The following CDKAL1 variants were observed in gnomAD, a reference collection of about 807,000 sequenced individuals.
CDKAL1 encodes CDKAL1 threonylcarbamoyladenosine tRNA methylthiotransferase.
In CDKAL1, 32 loss-of-function variants were observed where a neutral mutation model predicts 68.2. The ratio of observed to expected loss-of-function variants is 0.47; its 90% CI spans 0.35 to 0.63. The LOEUF (loss-of-function observed/expected upper bound fraction) is 0.63, where lower values mean the gene tolerates loss of function less well. CDKAL1 is among the 30% of genes least tolerant of loss of function. The pLI is 0.00. For missense variants in CDKAL1, 606 were observed against 696.7 expected, an observed-to-expected ratio of 0.87 and a Z score of 1.47; for synonymous variants, 234 against 244.3, an observed-to-expected ratio of 0.96 and a Z score of 0.39.
chr6:20,678,091 GTT>G (rs11371206), intron 5 of CDKAL1, among the ~76,000 whole-genome samples: 3 of 144,454 alleles, frequency 2.1e-5, no homozygotes, highest in African/African-American at 7.5e-5. Flanking sequence ...GATCTGTGTT[GTT>G]TTTTTTTTTT....
At chr6:21,126,345 G>T (rs1775011177) in intron 13 of CDKAL1, among the ~76,000 whole-genome samples, 1 of 152,196 alleles carries the variant, frequency 6.6e-6, no homozygotes, top group Non-Finnish European at 1.5e-5. Context: ...TGGCACATTA[G>T]AATCAGCTGG....
intron 5 of CDKAL1, among the ~76,000 whole-genome samples, chr6:20,702,048 A>G (rs1469458069): frequency 6.6e-6 from 1 of 152,180 alleles, no homozygotes; most frequent in Non-Finnish European, 1.5e-5. Flanking sequence ...TCAGAAAAGG[A>G]GAAGAAATGA....
At chr6:20,842,134 A>G (rs1377743680) in intron 8 of CDKAL1, among the ~76,000 whole-genome samples, 2 of 152,200 alleles carry the variant, frequency 1.3e-5, no homozygotes, top group Non-Finnish European at 2.9e-5. Flanking sequence ...TTTATTTTAT[A>G]GGAAGCTTCT....
chr6:20,901,729 A>G (rs772336685), intron 9 of CDKAL1, among the ~76,000 whole-genome samples: 3 of 149,202 alleles, frequency 2.0e-5, no homozygotes, highest in Non-Finnish European at 3.0e-5. Flanking sequence ...TTTTCCAGCA[A>G]CTCAGAAACT....
chr6:21,198,931 G>A (rs373451066), intron 14 of CDKAL1, among the ~76,000 whole-genome samples: 39 of 152,208 alleles, frequency 2.6e-4, no homozygotes, highest in African/African-American at 9.2e-4. Flanking sequence ...GGGAAGAGAT[G>A]GGATACGCCC....
chr6:21,053,603 G>C (rs1055555701), intron 11 of CDKAL1, among the ~76,000 whole-genome samples: 2 of 152,136 alleles, frequency 1.3e-5, no homozygotes, highest in East Asian at 1.9e-4. Context: ...AAGTGCGTCA[G>C]TTTCTCTATA....
chr6:20,877,133 T>C (rs1257398728), intron 9 of CDKAL1, among the ~76,000 whole-genome samples: 2 of 152,326 alleles, frequency 1.3e-5, no homozygotes, highest in South Asian at 2.1e-4. Context: ...AGCATTTACA[T>C]TGTGATGGGA....
intron 4 of CDKAL1, 84 bp from the exon 5 acceptor site, chr6:20,649,209 A>G: frequency 1.2e-6 from 1 of 857,712 alleles, no homozygotes; most frequent in Admixed American, 2.1e-5. Flanking sequence ...TCTCTCCCCT[A>G]CCGCAGCAAT....
intron 12 of CDKAL1, among the ~76,000 whole-genome samples, chr6:21,081,663 C>G (rs1159551854): frequency 6.6e-6 from 1 of 151,464 alleles, no homozygotes; most frequent in Non-Finnish European, 1.5e-5. Context: ...CCTCCGCCTC[C>G]TAGGTTCAAG....
chr6:20,624,374 T>C (rs376147995), intron 4 of CDKAL1, among the ~76,000 whole-genome samples: 2 of 39,916 alleles, frequency 5.0e-5, no homozygotes, highest in African/African-American at 1.8e-4. Context: ...GATTTTTAAG[T>C]TTTTTCCCCC....
At chr6:20,664,785 T>A (rs1009869332) in intron 5 of CDKAL1, among the ~76,000 whole-genome samples, 1 of 152,116 alleles carries the variant, frequency 6.6e-6, no homozygotes, top group African/African-American at 2.4e-5. Flanking sequence ...GCTGCAAGCT[T>A]TTTCTTACTT....
intron 10 of CDKAL1, among the ~76,000 whole-genome samples, chr6:20,995,466 ATGT>A (rs770049087): frequency 1.2e-4 from 18 of 152,234 alleles, no homozygotes; most frequent in Non-Finnish European, 2.4e-4. Flanking sequence ...TGCAGAATGG[ATGT>A]TGTGTTAGCA....
At chr6:21,206,051 T>C (rs945952577) in intron 15 of CDKAL1, among the ~76,000 whole-genome samples, 1 of 151,104 alleles carries the variant, frequency 6.6e-6, no homozygotes, top group African/African-American at 2.4e-5. Context: ...CACCATGGTC[T>C]CTATCTCCTG....
intron 10 of CDKAL1, among the ~76,000 whole-genome samples, chr6:20,987,851 C>T (rs1766559171): frequency 6.6e-6 from 1 of 151,886 alleles, no homozygotes. Flanking sequence ...ACAATCACGA[C>T]TCACTGCAGC....
intron 9 of CDKAL1, among the ~76,000 whole-genome samples, chr6:20,914,758 T>C (rs969376278): frequency 5.3e-5 from 8 of 152,234 alleles, no homozygotes; most frequent in Non-Finnish European, 1.0e-4. Context: ...TAGCTGCACA[T>C]AGCCTCCCCT....
chr6:21,170,180 G>T (rs998001583), intron 13 of CDKAL1, among the ~76,000 whole-genome samples: 6 of 152,220 alleles, frequency 3.9e-5, no homozygotes, highest in Non-Finnish European at 7.3e-5. Flanking sequence ...ACCTGAGATG[G>T]TCACTGGGAC....
chr6:20,765,151 T>A (rs1212391355), intron 7 of CDKAL1, among the ~76,000 whole-genome samples: 1 of 2,878 alleles, frequency 3.5e-4, no homozygotes, highest in South Asian at 0.014. Flanking sequence ...CATTCTTTTT[T>A]TTTTTTTTTT....
chr6:21,151,510 A>G (rs1005482955), intron 13 of CDKAL1, among the ~76,000 whole-genome samples: 1 of 152,236 alleles, frequency 6.6e-6, no homozygotes, highest in African/African-American at 2.4e-5. Flanking sequence ...ATTTTTTCAC[A>G]AACAAAAGAA....
At chr6:20,755,296 C>A (rs1774119370) in intron 6 of CDKAL1, among the ~76,000 whole-genome samples, 1 of 152,152 alleles carries the variant, frequency 6.6e-6, no homozygotes, top group East Asian at 1.9e-4. Context: ...TACATCAGTT[C>A]CAGCAGTCAT....
Sources: allele counts gnomAD v4.1 joint callset (sites outside exome capture counted in the v4.1 genomes callset), GRCh38; gene constraint gnomAD v4.1.1; transcripts MANE v1.5; gene names NCBI Gene and HGNC (gene_info 2026-07-23, HGNC 2026-07-21).